C4orf50: variants seen among roughly 807,000 people sequenced by gnomAD.
C4orf50 encodes chromosome 4 open reading frame 50, also known as uncharacterized protein C4orf50.
In C4orf50, 80 loss-of-function variants were observed where a neutral mutation model predicts 77.2. The observed-to-expected ratio is 1.04, with a 90% CI of 0.87 to 1.25. The LOEUF (loss-of-function observed/expected upper bound fraction) is 1.25. Ranked by LOEUF, C4orf50 falls within the 50% of genes most tolerant of loss-of-function variation. The probability of loss-of-function intolerance (pLI) is 0.00; values close to 1 mark genes in which losing one functional copy is unlikely to be tolerated. For missense variants in C4orf50, 1,257 were observed against 1,152.9 expected (o/e 1.09, Z -1.31); for synonymous variants, 532 against 465.3 (o/e 1.14, Z -1.84).
rs1720776060 is a variant in C4orf50 at position 5,984,855 on chromosome 4, A to AC, written c.3699+3491_3699+3492insG. On this transcript the variant is annotated intron_variant, in intron 28 of 33. Transcript: ENST00000531445. ...AATACACAAGTTCAAGAAGCTAAAA[A>AC]AAAAAACCAAACAAAAAAATTAAAA... 2.0e-5 allele frequency among the ~76,000 whole-genome samples: 3 copies of AC among 151,928 alleles called. No individual in the cohort carries two copies. In the South Asian group the frequency reaches 6.2e-4, roughly 31 times the overall value.
At chr4:5,899,070 C>T (rs777773112) in intron 7 of C4orf50, 3 of 152,196 alleles carry the variant, frequency 2.0e-5, no homozygotes, top group Non-Finnish European at 2.9e-5. Flanking sequence ...GTCCAACGTA[C>T]AAATTATCTG....
intron 28 of C4orf50, among the ~76,000 whole-genome samples, chr4:5,987,024 C>A (rs1236624196): frequency 3.3e-5 from 5 of 151,942 alleles, no homozygotes; most frequent in Non-Finnish European, 7.4e-5. Context: ...GCATAGATTG[C>A]AAAAGAAGAA....
intron 29 of C4orf50, among the ~76,000 whole-genome samples, chr4:5,977,415 G>C (rs1343778786): frequency 6.6e-6 from 1 of 152,138 alleles, no homozygotes; most frequent in African/African-American, 2.4e-5. Context: ...CTGTGCAAAA[G>C]GTCTTGCATC....
chr4:5,925,565 G>A (rs1717479769), intron 7 of C4orf50, among the ~76,000 whole-genome samples: 1 of 152,250 alleles, frequency 6.6e-6, no homozygotes, highest in South Asian at 2.1e-4. Flanking sequence ...GAGGATGGCT[G>A]TGTCCCATGA....
intron 25 of C4orf50, among the ~76,000 whole-genome samples, chr4:6,004,283 ATGTTGG>A (rs1722099246): frequency 1.4e-4 from 6 of 43,244 alleles, no homozygotes; most frequent in African/African-American, 3.9e-4. Flanking sequence ...GGTGATGGTG[ATGTTGG>A]TGATGATGGT....
rs147350615 is a variant in C4orf50 at position 5,995,869 on chromosome 4, G to A, written c.964-1393C>T. On this transcript the variant is annotated intron_variant, in intron 25 of 33. Transcript: ENST00000531445. ...CTCTAGGCCAGGAGAAAACAGAAGTGAACAGGGAAGTGCCCTGTCCCCTTC... is the reference window on the plus strand; with the variant it reads ...CTCTAGGCCAGGAGAAAACAGAAGTAAACAGGGAAGTGCCCTGTCCCCTTC... Among the ~76,000 whole-genome samples, 716 of 152,192 alleles carry A rather than the reference G, an allele frequency of 4.7e-3. 6 individuals are homozygous for A. The highest frequency in any genetic ancestry group is 0.017 in the African/African-American group (689 of 41,508).
chr4:5,924,661 G>A (rs957471663), intron 7 of C4orf50, among the ~76,000 whole-genome samples: 10 of 152,216 alleles, frequency 6.6e-5, no homozygotes, highest in Admixed American at 2.0e-4. Flanking sequence ...GTGGCTGGCC[G>A]CCTCTCTCGG....
intron 7 of C4orf50, among the ~76,000 whole-genome samples, chr4:5,915,530 C>G (rs1195987196): frequency 6.6e-6 from 1 of 152,140 alleles, no homozygotes; most frequent in Admixed American, 6.5e-5. Context: ...TTGCCTTTTC[C>G]TTTCGTCTTG....
rs1717795846 is a variant in C4orf50 at position 5,932,138 on chromosome 4, TC to T, written c.*2474+24762del. 3.4e-5 allele frequency among the ~76,000 whole-genome samples: 5 copies of T among 146,214 alleles called. No homozygotes were observed. In the South Asian group the frequency reaches 1.1e-3, roughly 31 times the overall value. Reference sequence around the variant, plus strand: ...CTCAGCTGAGGAAGGCAGGTGTAACTCACTAACCTGCCAGGTGTAAACCCAC... The same window carrying T: ...CTCAGCTGAGGAAGGCAGGTGTAACTACTAACCTGCCAGGTGTAAACCCAC... On this transcript the variant is annotated intron_variant, in intron 7 of 7. Transcript: ENST00000324058. This position sits in a 1 kb window ranked among gnomAD's most constrained non-coding sequence, Gnocchi z 4.2.
At chr4:5,988,893 C>T in exon 28 of C4orf50, 3 of 1,535,980 alleles carry the variant, frequency 2.0e-6, no homozygotes, top group South Asian at 2.4e-5. Flanking sequence ...TCCAGTTTTC[C>T]AGGGTGACTT....
In C4orf50 at chr4:5,999,581, G is replaced by C. The variant is rs138420487; in HGVS notation, c.964-5105C>G. On this transcript the variant is annotated intron_variant, in intron 25 of 33. Transcript: ENST00000531445. ...CAGAAGCTTCCTTTTCCCGTGGGCAGTGGAGCAAATAACTTCACCGATGCC... is the reference window on the plus strand; with the variant it reads ...CAGAAGCTTCCTTTTCCCGTGGGCACTGGAGCAAATAACTTCACCGATGCC... Among the ~76,000 whole-genome samples, 1,138 of 152,286 alleles carry C rather than the reference G, an allele frequency of 7.5e-3. 8 individuals carry two copies. Among genetic ancestry groups the C allele is most frequent in the Non-Finnish European group, 0.011 (729 of 68,020 alleles).
At chr4:5,968,253 G>A (rs1719699020) in intron 31 of C4orf50, among the ~76,000 whole-genome samples, 1 of 152,188 alleles carries the variant, frequency 6.6e-6, no homozygotes, top group Non-Finnish European at 1.5e-5. Context: ...TGCCTCCTCT[G>A]TGAAGTCTTC....
downstream of C4orf50, among the ~76,000 whole-genome samples, chr4:5,953,944 G>A (rs150415661): frequency 1.4e-4 from 22 of 152,336 alleles, no homozygotes; most frequent in East Asian, 1.5e-3. Flanking sequence ...GAAAGAGTAC[G>A]GCTGGATTTC....
In C4orf50 at chr4:5,970,915, C is replaced by T. The variant is rs1366137619; in HGVS notation, c.4104+2744G>A. 6.6e-6 allele frequency among the ~76,000 whole-genome samples: 1 copy of T among 152,142 alleles called. No individual in the cohort carries two copies. The highest frequency in any genetic ancestry group is 1.5e-5 in the Non-Finnish European group (1 of 68,018). The stretch of plus-strand genomic sequence containing the variant: ...GGAGAGCGTGCGAGGGGGAGGGCAG[C>T]ATGAGTCTTGGCCACCATGACTTGG... On this transcript the variant is annotated intron_variant, in intron 31 of 33. Coordinates refer to ENST00000531445, the Ensembl canonical transcript of C4orf50. The surrounding 1 kb of genome is among the most constrained non-coding windows in gnomAD (Gnocchi z 4.3).
At chr4:5,988,483 G>C (rs1307271050) in exon 28 of C4orf50, 1 of 1,554,648 alleles carries the variant, frequency 6.4e-7, no homozygotes, top group Non-Finnish European at 8.7e-7. Flanking sequence ...GGCTACACCA[G>C]TGTTTCTCCA....
rs368649300 is a variant in C4orf50 at position 5,938,883 on chromosome 4, T to C, written c.*2474+18018A>G. Among the ~76,000 whole-genome samples the C allele has an allele frequency of 3.6e-4, 55 of 152,198 alleles. 1 individual carries two copies. In the South Asian group the frequency reaches 6.6e-3, roughly 18 times the overall value. On this transcript the variant is annotated intron_variant, in intron 7 of 7. Transcript: ENST00000324058. ...CTCCCAAGTTTGCTGCTGTGACAGA[T>C]GGCGTCTCCATCAAATAGCTTGCCT...
intron 25 of C4orf50, among the ~76,000 whole-genome samples, chr4:6,003,816 A>G (rs1560597880): frequency 8.2e-6 from 1 of 121,578 alleles, no homozygotes; most frequent in South Asian, 3.2e-4. Flanking sequence ...GATGATGGTG[A>G]TGATGGTGAT....
At chr4:5,995,474 AACACACACAC>A (rs55858229) in intron 25 of C4orf50, among the ~76,000 whole-genome samples, 2,693 of 134,034 alleles carry the variant, frequency 0.02, 42 homozygotes, top group African/African-American at 0.039. Flanking sequence ...TGGGACTGGA[AACACACACAC>A]ACACACACAC....
chr4:5,992,726 G>A lies in C4orf50; in HGVS notation c.1221+77C>T, dbSNP rs561583141. 8.8e-5 allele frequency: 35 copies of A among 398,926 alleles called. 1 individual carries two copies. The South Asian group carries it at 4.0e-3, about 46-fold the overall frequency. The allele number at this position is 398,926 out of a possible 1,614,324, so 24.7% of individuals were successfully genotyped here. ...TTACCCCTCCCACATCCTGCGTGTG[G>A]CCACATAGCCTGCATGAGGCAGGGC... is the stretch of plus-strand genomic sequence containing the variant. On this transcript the variant is annotated intron_variant, in intron 27 of 33. Transcript: ENST00000531445. The surrounding 1 kb of genome is among the most constrained non-coding windows in gnomAD (Gnocchi z 5.0).
Sources: gnomAD v4.1 joint callset for allele counts (sites outside exome capture counted in the v4.1 genomes callset) on GRCh38, gnomAD v4.1.1 for gene constraint, Gnocchi (gnomAD v3.1) non-coding constraint, MANE v1.5 for transcripts, NCBI Gene and HGNC (gene_info 2026-07-23, HGNC 2026-07-21) for gene names.